CMTR1: variants seen among roughly 807,000 people sequenced by gnomAD.
CMTR1 encodes cap methyltransferase 1.
Under a neutral mutation model 107.0 loss-of-function variants are expected in CMTR1, and 39 were observed. The ratio of observed to expected loss-of-function variants is 0.36; its 90% confidence interval spans 0.28 to 0.48. CMTR1 has a LOEUF of 0.48. Among genes scored for constraint, CMTR1 ranks in the 20% least tolerant of loss-of-function variants. The pLI, the probability that CMTR1 is intolerant of heterozygous loss-of-function variation, is 0.99. For missense variants in CMTR1, 672 were observed against 1,064.9 expected (o/e 0.63, Z 5.14); for synonymous variants, 366 against 379.5 (o/e 0.96, Z 0.41).
chr6:37,477,570 G>A lies in CMTR1; in HGVS notation c.2106-22G>A, dbSNP rs1224112323. ...ATGTCCCCCAGGAAGCCTTTGTCTTGTCTCTGTCCCTCTACCTGCAGGGTG... is the reference window on the plus strand; with the variant it reads ...ATGTCCCCCAGGAAGCCTTTGTCTTATCTCTGTCCCTCTACCTGCAGGGTG... On this transcript the variant is annotated intron_variant, in intron 20 of 23. Coordinates refer to ENST00000373451, the MANE Select transcript of CMTR1 (RefSeq NM_015050.3). 4.3e-6 allele frequency: 7 copies of A among 1,612,368 alleles called. No homozygotes were observed. In the South Asian group the frequency reaches 5.5e-5, roughly 13 times the overall value.
chr6:37,473,276 A>G (rs1761666247), intron 16 of CMTR1, among the ~76,000 whole-genome samples, 194 bp from the exon 17 acceptor site: 1 of 152,100 alleles, frequency 6.6e-6, no homozygotes, highest in African/African-American at 2.4e-5. Context: ...TAGGTCCTAC[A>G]GGAACATTCC....
rs570901951 is a variant in CMTR1 at position 37,472,809 on chromosome 6, A to T, written c.1689+322A>T. Reference sequence around the variant, plus strand: ...GGATTTGCCTACAAAGGAGACATAGAGTGTGGGATGATCTTAGGCAAGGGA... The same window carrying T: ...GGATTTGCCTACAAAGGAGACATAGTGTGTGGGATGATCTTAGGCAAGGGA... On this transcript the variant is annotated intron_variant, in intron 16 of 23. Transcript: ENST00000373451. This position sits in a 1 kb window ranked among gnomAD's most constrained non-coding sequence, Gnocchi z 4.1. Among the ~76,000 whole-genome samples the T allele has an allele frequency of 1.2e-4, 18 of 152,288 alleles. No homozygotes were observed. The highest frequency in any genetic ancestry group is 2.5e-4 in the Non-Finnish European group (17 of 68,020).
In CMTR1 at chr6:37,468,054, T is replaced by TC. The variant is rs1554122023; in HGVS notation, c.1506-2967_1506-2966insC. ...CTCTTCCTTTCTTCCCTCTGTTTTG[T>TC]GGGGGGGGGGACTAATTCAGTATTT... On this transcript the variant is annotated intron_variant, in intron 13 of 23. Transcript: ENST00000373451. 5.8e-5 allele frequency among the ~76,000 whole-genome samples: 8 copies of TC among 137,168 alleles called. No homozygotes were observed. The South Asian group carries it at 7.8e-4, about 13-fold the overall frequency. 90.0% of individuals were successfully genotyped at this position (137,168 alleles called of 152,430 possible).
chr6:37,473,336 G>A (rs1162020254), intron 16 of CMTR1, 134 bp from the exon 17 acceptor site: 8 of 885,042 alleles, frequency 9.0e-6, no homozygotes, highest in African/African-American at 3.4e-5. Context: ...TAGAGAAGGG[G>A]GTGCAGGGGA....
Position 37,478,430 on chromosome 6 carries a change from G to C in CMTR1, c.2175G>C (p.Lys725Asn). The C allele has an allele frequency of 6.2e-7, 1 of 1,614,026 alleles. No homozygotes were observed. The highest frequency in any genetic ancestry group is 1.1e-5 in the South Asian group (1 of 91,076). ...IFVRLEMKII[K>N]GSSGTPKLSY... ...TCAGGTTGGAGATGAAGATCATCAAGGGCTCCAGTGGCACCCCAAAGCTCA... is the reference window on the plus strand; with the variant it reads ...TCAGGTTGGAGATGAAGATCATCAACGGCTCCAGTGGCACCCCAAAGCTCA... The change falls in exon 22 of 24, where the codon AAG becomes AAC. Residue 725 changes from lysine (K) to asparagine (N), a missense_variant. Coordinates refer to ENST00000373451, the MANE Select transcript of CMTR1 (RefSeq NM_015050.3).
intron 11 of CMTR1, 67 bp from the exon 12 acceptor site, chr6:37,461,903 A>G: frequency 6.4e-7 from 1 of 1,566,086 alleles, no homozygotes. Context: ...ATTTACTCCC[A>G]AGACTACTTC....
At chr6:37,432,924 C>T (rs1425664686), upstream of CMTR1, among the ~76,000 whole-genome samples, 3 of 152,248 alleles carry the variant, frequency 2.0e-5, no homozygotes, top group African/African-American at 7.2e-5. Flanking sequence ...CCTCTCTGAA[C>T]TTGTTCTTAG....
In CMTR1 at chr6:37,480,396, G is replaced by A; in HGVS notation, c.*251G>A. 7.6e-7 allele frequency: 1 copy of A among 1,316,282 alleles called. No individual in the cohort carries two copies. The highest frequency in any genetic ancestry group is 9.6e-7 in the Non-Finnish European group (1 of 1,038,060). The allele number at this position is 1,316,282 out of a possible 1,614,324, so 81.5% of individuals were successfully genotyped here. On this transcript the variant is annotated 3_prime_UTR_variant, in exon 24 of 24. Transcript: ENST00000373451. The stretch of plus-strand genomic sequence containing the variant: ...GCCAGGACTCAGCCTGAAGGAAGCT[G>A]CTCCTGAGGCAGGTATGAGGTCAGT...
chr6:37,459,525 A>G, intron 9 of CMTR1, 41 bp from the exon 10 acceptor site: 1 of 1,546,440 alleles, frequency 6.5e-7, no homozygotes, highest in Non-Finnish European at 8.9e-7. Context: ...CCTGACATGT[A>G]TAGGGCAGAT....
chr6:37,471,106 C>T (rs984174113), intron 14 of CMTR1, 29 bp downstream of exon 14: 1 of 1,558,514 alleles, frequency 6.4e-7, no homozygotes, highest in East Asian at 2.3e-5. Context: ...TCAGAAACCA[C>T]CTATTTCAAG....
chr6:37,478,404 A>G lies in CMTR1; in HGVS notation c.2154-5A>G. 6.2e-7 allele frequency: 1 copy of G among 1,612,290 alleles called. No homozygotes were observed. The highest frequency in any genetic ancestry group is 8.5e-7 in the Non-Finnish European group (1 of 1,178,420). On this transcript the variant is annotated splice_polypyrimidine_tract_variant and splice_region_variant and intron_variant, in intron 21 of 23. Transcript: ENST00000373451. ...CTCATGCACGTACCTTCTCGGGGAA[A>G]TCAGGTTGGAGATGAAGATCATCAA...
Position 37,465,203 on chromosome 6 carries a change from G to A in CMTR1, c.1505+2195G>A, listed in dbSNP as rs531202249. On this transcript the variant is annotated intron_variant, in intron 13 of 23. Transcript: ENST00000373451. ...GAATCGCTTGAACCCGGGAGGCGAG[G>A]TTGCGGTGAGCCGAGATCGCGCCAT... is the stretch of plus-strand genomic sequence containing the variant. Among the ~76,000 whole-genome samples, 14 of 151,798 alleles carry A rather than the reference G, an allele frequency of 9.2e-5. No individual in the cohort carries two copies. In the South Asian group the frequency reaches 2.9e-3, roughly 32 times the overall value.
At chr6:37,452,263 T>G (rs1761195512) in intron 6 of CMTR1, among the ~76,000 whole-genome samples, 1 of 152,360 alleles carries the variant, frequency 6.6e-6, no homozygotes, top group South Asian at 2.1e-4. Flanking sequence ...TCTCTGAGTT[T>G]GAGTTTCCTC....
chr6:37,438,704 G>C (rs1371562471), intron 2 of CMTR1, among the ~76,000 whole-genome samples: 2 of 152,202 alleles, frequency 1.3e-5, no homozygotes, highest in African/African-American at 4.8e-5. Context: ...AGCTTAAAAT[G>C]CGTCACAGTT....
At chr6:37,476,821 C>T (rs1231418063) in intron 20 of CMTR1, among the ~76,000 whole-genome samples, 2 of 152,250 alleles carry the variant, frequency 1.3e-5, no homozygotes, top group African/African-American at 4.8e-5. Context: ...TATCTATTTA[C>T]ACTTTATCCA....
At chr6:37,446,812 A>T (rs1305227544) in intron 4 of CMTR1, among the ~76,000 whole-genome samples, 2 of 152,202 alleles carry the variant, frequency 1.3e-5, no homozygotes, top group African/African-American at 4.8e-5. Flanking sequence ...AGGCCAAGGG[A>T]GCACCCACTC....
chr6:37,459,478 C>T (rs1761359287), intron 9 of CMTR1, 88 bp from the exon 10 acceptor site: 4 of 1,071,620 alleles, frequency 3.7e-6, no homozygotes, highest in Non-Finnish European at 5.8e-6. Flanking sequence ...ACACCTGATG[C>T]CCGTCTTCAC....
At chr6:37,426,537 T>C in the CMTR1 span, among the ~76,000 whole-genome samples, 2 of 151,842 alleles carry the variant, frequency 1.3e-5, no homozygotes, top group Non-Finnish European at 2.9e-5. Context: ...TCTCCTCAGG[T>C]CTTTTTTTTT....
intron 4 of CMTR1, among the ~76,000 whole-genome samples, chr6:37,448,885 TC>T (rs1771867725): frequency 6.6e-6 from 1 of 152,220 alleles, no homozygotes; most frequent in Non-Finnish European, 1.5e-5. Flanking sequence ...AGGCCTCACT[TC>T]AGACCAGCAG....
Sources: allele counts gnomAD v4.1 joint callset (sites outside exome capture counted in the v4.1 genomes callset), GRCh38; gene constraint gnomAD v4.1.1; non-coding constraint Gnocchi (gnomAD v3.1); transcripts MANE v1.5; gene names NCBI Gene and HGNC (gene_info 2026-07-23, HGNC 2026-07-21).